Variants in RAPGEF4 observed in about 807,000 individuals in gnomAD.
The protein encoded by RAPGEF4 is Rap guanine nucleotide exchange factor 4.
A neutral mutation model predicts 147.9 loss-of-function variants in RAPGEF4; 66 were observed. That is an observed-to-expected ratio of 0.45 (90% CI 0.37 to 0.55). The LOEUF (loss-of-function observed/expected upper bound fraction) is 0.55. Ranked by LOEUF, RAPGEF4 falls within the 20% of genes least tolerant of loss-of-function variation. The pLI, the probability that RAPGEF4 is intolerant of heterozygous loss-of-function variation, is 0.00. For synonymous variants in RAPGEF4, 419 were observed against 442.7 expected (o/e 0.95, Z 0.67); for missense variants, 1,071 against 1,257.3 (o/e 0.85, Z 2.24).
chr2:173,034,973 T>C (rs964007540), intron 27 of RAPGEF4, among the ~76,000 whole-genome samples: 2 of 151,948 alleles, frequency 1.3e-5, no homozygotes, highest in Non-Finnish European at 2.9e-5. Flanking sequence ...GATTCAGAAA[T>C]ACAGTTGAGC....
chr2:172,751,820 A>C (rs1695320467), intron 1 of RAPGEF4, among the ~76,000 whole-genome samples: 1 of 152,186 alleles, frequency 6.6e-6, no homozygotes, highest in Admixed American at 6.5e-5. Flanking sequence ...TTTGTTTGGT[A>C]ACAAGGCCTT....
intron 4 of RAPGEF4, among the ~76,000 whole-genome samples, chr2:172,899,207 T>C (rs111783263): frequency 1.3e-5 from 2 of 152,192 alleles, no homozygotes; most frequent in Non-Finnish European, 2.9e-5. Flanking sequence ...GTAAAAAGGT[T>C]GGTTGGTAGA....
intron 3 of RAPGEF4, among the ~76,000 whole-genome samples, chr2:172,800,554 C>T (rs991317412): frequency 6.6e-6 from 1 of 152,084 alleles, no homozygotes; most frequent in Non-Finnish European, 1.5e-5. Flanking sequence ...GAAACAGAAT[C>T]ACTAAGAGAT....
At chr2:172,886,554 G>A (rs1254853203) in intron 4 of RAPGEF4, among the ~76,000 whole-genome samples, 1 of 152,106 alleles carries the variant, frequency 6.6e-6, no homozygotes, top group Admixed American at 6.5e-5. Context: ...CTCTTGATTT[G>A]TCCCTTGTCT....
At chr2:172,756,640 C>T (rs1388197485) in intron 1 of RAPGEF4, among the ~76,000 whole-genome samples, 1 of 152,200 alleles carries the variant, frequency 6.6e-6, no homozygotes, top group African/African-American at 2.4e-5. Flanking sequence ...GTAGGACAGA[C>T]ACCTTGTTTC....
At chr2:172,825,085 C>T (rs1011569099) in intron 4 of RAPGEF4, among the ~76,000 whole-genome samples, 10 of 152,158 alleles carry the variant, frequency 6.6e-5, no homozygotes, top group African/African-American at 9.7e-5. Flanking sequence ...AGATGCTCCT[C>T]GACTTATGAT....
chr2:172,784,335 A>T (rs1684976714), intron 1 of RAPGEF4, among the ~76,000 whole-genome samples: 1 of 151,996 alleles, frequency 6.6e-6, no homozygotes, highest in Non-Finnish European at 1.5e-5. Context: ...TGGCTAACAC[A>T]TTGAAACCCC....
At chr2:172,983,309 C>A (rs994273549) in intron 10 of RAPGEF4, among the ~76,000 whole-genome samples, 187 bp from the exon 11 acceptor site, 5 of 152,188 alleles carry the variant, frequency 3.3e-5, no homozygotes, top group African/African-American at 1.2e-4. Context: ...CATATCCTTT[C>A]ATCAAGGAAC....
chr2:172,974,453 G>A (rs781368562), intron 10 of RAPGEF4, among the ~76,000 whole-genome samples: 8 of 152,150 alleles, frequency 5.3e-5, no homozygotes, highest in African/African-American at 1.4e-4. Flanking sequence ...GGAGGCTGAG[G>A]CACCCAGATC....
At chr2:172,865,202 T>G (rs1244503771) in intron 4 of RAPGEF4, among the ~76,000 whole-genome samples, 1 of 152,126 alleles carries the variant, frequency 6.6e-6, no homozygotes, top group Non-Finnish European at 1.5e-5. Flanking sequence ...TTACCTATTC[T>G]CCTAATGCAT....
intron 4 of RAPGEF4, among the ~76,000 whole-genome samples, chr2:172,834,079 G>A (rs76284606): frequency 0.014 from 2,194 of 152,244 alleles, 52 homozygotes; most frequent in African/African-American, 0.051. Flanking sequence ...CTATTTGGGG[G>A]AAACTCAGAG....
At chr2:172,748,050 C>A (rs938015002) in intron 1 of RAPGEF4, among the ~76,000 whole-genome samples, 2 of 152,100 alleles carry the variant, frequency 1.3e-5, no homozygotes, top group Non-Finnish European at 2.9e-5. Flanking sequence ...TATATATACA[C>A]CACATTTTCT....
intron 1 of RAPGEF4, among the ~76,000 whole-genome samples, chr2:172,782,244 C>T (rs1159382953): frequency 6.6e-6 from 1 of 152,180 alleles, no homozygotes; most frequent in Non-Finnish European, 1.5e-5. Context: ...TCAAACCTTC[C>T]CTGTTAAAAA....
Position 172,983,392 on chromosome 2 carries a change from GA to G in RAPGEF4, c.1005-102del, listed in dbSNP as rs745847662. On this transcript the variant is annotated intron_variant, in intron 10 of 30. Coordinates refer to ENST00000397081, the MANE Select transcript of RAPGEF4 (RefSeq NM_007023.4). ...CCCTCCGCCAATATCTTCTTGTGCA[GA>G]AGAAATCCCTGAGCATGTTACTGAT... 2,060 of 1,514,772 alleles carry G rather than the reference GA, an allele frequency of 1.4e-3. 3 individuals carry two copies. The highest frequency in any genetic ancestry group is 1.7e-3 in the Non-Finnish European group (1,947 of 1,144,122). 93.8% of individuals were successfully genotyped at this position (1,514,772 alleles called of 1,614,324 possible).
chr2:172,827,954 C>A (rs1181554586), intron 4 of RAPGEF4, among the ~76,000 whole-genome samples: 2 of 152,102 alleles, frequency 1.3e-5, no homozygotes, highest in African/African-American at 4.8e-5. Flanking sequence ...CCCTTACATC[C>A]TTTTCTAGTT....
At chr2:172,996,010 C>A (rs2105769832) in intron 15 of RAPGEF4, among the ~76,000 whole-genome samples, 1 of 152,286 alleles carries the variant, frequency 6.6e-6, no homozygotes, top group East Asian at 1.9e-4. Flanking sequence ...ACAGAGCATT[C>A]CAGAAATAGG....
At chr2:172,895,921 T>C (rs1698427826) in intron 4 of RAPGEF4, among the ~76,000 whole-genome samples, 1 of 152,250 alleles carries the variant, frequency 6.6e-6, no homozygotes, top group East Asian at 1.9e-4. Context: ...TCTGATTCCT[T>C]ACATTCCCAT....
intron 5 of RAPGEF4, among the ~76,000 whole-genome samples, chr2:172,921,580 G>C (rs1684767590): frequency 6.6e-6 from 1 of 152,152 alleles, no homozygotes; most frequent in African/African-American, 2.4e-5. Flanking sequence ...CTCTGTATAA[G>C]GTCACAGAAC....
At chr2:172,908,118 A>C (rs1283666457) in intron 4 of RAPGEF4, among the ~76,000 whole-genome samples, 1 of 152,256 alleles carries the variant, frequency 6.6e-6, no homozygotes, top group East Asian at 1.9e-4. Flanking sequence ...AAATCAATAC[A>C]TAATGCCTGG....
Sources: allele counts gnomAD v4.1 joint callset (sites outside exome capture counted in the v4.1 genomes callset), GRCh38; gene constraint gnomAD v4.1.1; transcripts MANE v1.5; gene names NCBI Gene and HGNC (gene_info 2026-07-23, HGNC 2026-07-21).